Variants in CNN3 observed in about 807,000 individuals in gnomAD.
CNN3 encodes the protein calponin-3.
CNN3 carries 11 observed loss-of-function variants against 39.0 expected under a neutral mutation model. That is an observed-to-expected ratio of 0.28 (90% confidence interval 0.18 to 0.47). The LOEUF (loss-of-function observed/expected upper bound fraction) is 0.47, where lower values mean the gene tolerates loss of function less well. CNN3 is among the 20% of genes least tolerant of loss of function. The pLI, the probability that CNN3 is intolerant of heterozygous loss-of-function variation, is 0.99. For synonymous variants in CNN3, 101 were observed against 138.3 expected, an observed-to-expected ratio of 0.73 and a Z score of 1.89; for missense variants, 266 against 403.4, an observed-to-expected ratio of 0.66 and a Z score of 2.92.
intron 1 of CNN3, chr1:94,925,560 G>T: frequency 1.0e-6 from 1 of 955,954 alleles, no homozygotes; most frequent in Non-Finnish European, 1.2e-6. Context: ...AAGACAGTAT[G>T]ATGTGCAGAC....
Position 94,922,733 on chromosome 1 carries a change from G to A in CNN3, c.57+4105C>T, listed in dbSNP as rs111386725. On this transcript the variant is annotated intron_variant, in intron 1 of 6. Transcript: ENST00000370206. Reference sequence around the variant, plus strand: ...CTCAGAGCAGCTGTGCGTCTAAAGCGCACCCGGCAAACAAGCTAGGAGGAC... The same window carrying A: ...CTCAGAGCAGCTGTGCGTCTAAAGCACACCCGGCAAACAAGCTAGGAGGAC... 2.8e-3 allele frequency among the ~76,000 whole-genome samples: 432 copies of A among 152,236 alleles called. 1 individual carries two copies. Among genetic ancestry groups the A allele is most frequent in the African/African-American group, 9.8e-3 (407 of 41,540 alleles).
At chr1:94,898,839 TG>T (rs1300710745) in intron 6 of CNN3, among the ~76,000 whole-genome samples, 1 of 152,230 alleles carries the variant, frequency 6.6e-6, no homozygotes, top group Non-Finnish European at 1.5e-5. Context: ...TTGTTGGATG[TG>T]AGACCTGTCT....
At chr1:94,908,904 GGAGGCT>G (rs1430545869) in intron 1 of CNN3, among the ~76,000 whole-genome samples, 3 of 151,894 alleles carry the variant, frequency 2.0e-5, no homozygotes, top group Non-Finnish European at 4.4e-5. Context: ...TGCAACTTTG[GGAGGCT>G]GAGGCAGGAG....
intron 1 of CNN3, among the ~76,000 whole-genome samples, chr1:94,916,993 T>C (rs917397245): frequency 1.3e-5 from 2 of 152,198 alleles, no homozygotes; most frequent in African/African-American, 2.4e-5. Context: ...GCCATTTTGA[T>C]AAGATATCAT....
At chr1:94,904,882 A>C (rs1571520071) in intron 1 of CNN3, among the ~76,000 whole-genome samples, 1 of 152,184 alleles carries the variant, frequency 6.6e-6, no homozygotes, top group African/African-American at 2.4e-5. Flanking sequence ...TGAGCTTGGG[A>C]ATCAATTACA....
At chr1:94,924,438 AT>A (rs1553218391) in intron 1 of CNN3, 1 of 152,332 alleles carries the variant, frequency 6.6e-6, no homozygotes, top group Non-Finnish European at 1.5e-5. Context: ...CCTGGCCAAC[AT>A]GGCAAAACCC....
rs1670918182 is a variant in CNN3 at position 94,903,413 on chromosome 1, T to C, written c.169A>G (p.Ile57Val). 6.3e-7 allele frequency: 1 copy of C among 1,598,396 alleles called. No homozygotes were observed. The highest frequency in any genetic ancestry group is 1.3e-5 in the African/African-American group (1 of 74,360). Residue 57 changes from isoleucine (I) to valine (V), a missense_variant, in exon 2 of 7, where the codon ATC (isoleucine) becomes GTC (valine). By Grantham distance (29) the Ile-to-Val change is conservative. Coordinates refer to ENST00000370206, the MANE Select transcript of CNN3 (RefSeq NM_001839.5). Reference sequence around the variant, plus strand: ...AGGGCTGTAACTCACTCGCAGAGGATGATGCCATCCTTTAAGCCCAGCTGG... The same window carrying C: ...AGGGCTGTAACTCACTCGCAGAGGACGATGCCATCCTTTAAGCCCAGCTGG... ...NFQLGLKDGI[I>V]LCELINKLQP...
intron 1 of CNN3, among the ~76,000 whole-genome samples, chr1:94,918,255 G>A (rs1671337251): frequency 6.6e-6 from 1 of 152,084 alleles, no homozygotes. Flanking sequence ...CATTTTGGGA[G>A]GCTGAGGCAG....
chr1:94,921,577 C>T (rs1671445549), intron 1 of CNN3, among the ~76,000 whole-genome samples: 1 of 152,022 alleles, frequency 6.6e-6, no homozygotes, highest in African/African-American at 2.4e-5. Flanking sequence ...CACTAACCCT[C>T]ATGTCCCAAC....
In CNN3 at chr1:94,903,394, G is replaced by A; in HGVS notation, c.179+9C>T. 6 of 1,579,362 alleles carry A rather than the reference G, an allele frequency of 3.8e-6. No homozygotes were observed. The highest frequency in any genetic ancestry group is 5.2e-6 in the Non-Finnish European group (6 of 1,164,936). On this transcript the variant is annotated intron_variant, in intron 2 of 6. Transcript: ENST00000370206. Reference sequence around the variant, plus strand: ...GAGCAGAAACAGATTCTGGAGGGCTGTAACTCACTCGCAGAGGATGATGCC... The same window carrying A: ...GAGCAGAAACAGATTCTGGAGGGCTATAACTCACTCGCAGAGGATGATGCC...
intron 1 of CNN3, among the ~76,000 whole-genome samples, chr1:94,909,154 A>G (rs1671094488): frequency 6.6e-6 from 1 of 152,292 alleles, no homozygotes; most frequent in East Asian, 1.9e-4. Context: ...CTTTAAAACA[A>G]AAATAAACAA....
rs1353366090 is a variant in CNN3 at position 94,898,098 on chromosome 1, T to C, written c.649-15A>G. 3 of 1,605,290 alleles carry C rather than the reference T, an allele frequency of 1.9e-6. No individual in the cohort carries two copies. The highest frequency in any genetic ancestry group is 2.6e-6 in the Non-Finnish European group (3 of 1,174,322). ...AACATCCCTGCCTGGTATTAGAACA[T>C]AGTATAAAAGTTAAAACAGCAGCTA... is the stretch of plus-strand genomic sequence containing the variant. On this transcript the variant is annotated splice_polypyrimidine_tract_variant and intron_variant, in intron 6 of 6. Transcript: ENST00000370206.
chr1:94,897,300 G>C lies in CNN3; in HGVS notation c.*442C>G, dbSNP rs1203478038. 6.7e-6 allele frequency: 1 copy of C among 149,952 alleles called. No individual in the cohort carries two copies. The highest frequency in any genetic ancestry group is 2.6e-5 in the African/African-American group (1 of 38,970). 9.3% of individuals were successfully genotyped at this position (149,952 alleles called of 1,614,324 possible). The stretch of plus-strand genomic sequence containing the variant: ...TCTAAAATGCTGCATCTTAAATTTA[G>C]TTGGCAAAGACCACATTTAGCAATA... On this transcript the variant is annotated 3_prime_UTR_variant, in exon 7 of 7. Transcript: ENST00000370206.
rs1454930915 is a variant in CNN3, at chr1:94,899,573, CACAA to C, written c.502-60_502-57del. 1.4e-5 allele frequency: 22 copies of C among 1,552,362 alleles called. No homozygotes were observed. The South Asian group carries it at 1.8e-4, about 13-fold the overall frequency. ...TATCAGATGTCAACAATATACACAA[CACAA>C]ACAAAACTTTCCATGCTACCAAAAA... On this transcript the variant is annotated intron_variant, in intron 5 of 6. Transcript: ENST00000370206.
chr1:94,896,976 T>TTTATTTATAAAAAATAC lies in CNN3; in HGVS notation c.*749_*765dup, dbSNP rs1553215363. Reference sequence around the variant, plus strand: ...TTCATATGAAAGTTCAAAAAAAATATTTATTTATAAAAAATACAATGGGAT... The same window carrying TTTATTTATAAAAAATAC: ...TTCATATGAAAGTTCAAAAAAAATATTTATTTATAAAAAATACTTATTTATAAAAAATACAATGGGAT... On this transcript the variant is annotated 3_prime_UTR_variant, in exon 7 of 7. Transcript: ENST00000370206. 6.6e-6 allele frequency: 1 copy of TTTATTTATAAAAAATAC among 152,196 alleles called. No homozygotes were observed. The highest frequency in any genetic ancestry group is 1.5e-5 in the Non-Finnish European group (1 of 68,026). 9.4% of individuals were successfully genotyped at this position (152,196 alleles called of 1,614,324 possible).
At chr1:94,906,134 C>T (rs957946688) in intron 1 of CNN3, among the ~76,000 whole-genome samples, 1 of 152,100 alleles carries the variant, frequency 6.6e-6, no homozygotes, top group Non-Finnish European at 1.5e-5. Context: ...AGTCACACAC[C>T]ACCACGCCAC....
At chr1:94,918,039 C>A (rs1346452656) in intron 1 of CNN3, among the ~76,000 whole-genome samples, 2 of 152,210 alleles carry the variant, frequency 1.3e-5, no homozygotes, top group Non-Finnish European at 2.9e-5. Context: ...TATACACAGT[C>A]TTAGCACAGG....
intron 1 of CNN3, among the ~76,000 whole-genome samples, chr1:94,904,910 G>A (rs1670957467): frequency 6.6e-6 from 1 of 152,216 alleles, no homozygotes; most frequent in Non-Finnish European, 1.5e-5. Context: ...AAATGGGAAT[G>A]AAGGTAGAAA....
chr1:94,925,879 C>A (rs1157963350), intron 1 of CNN3: 2 of 931,128 alleles, frequency 2.1e-6, no homozygotes, highest in Non-Finnish European at 1.3e-6. Flanking sequence ...GGTCTCTCCC[C>A]CCAGAAACCC....
Sources: allele counts gnomAD v4.1 joint callset (sites outside exome capture counted in the v4.1 genomes callset), GRCh38; gene constraint gnomAD v4.1.1; transcripts MANE v1.5; gene names NCBI Gene and HGNC (gene_info 2026-07-23, HGNC 2026-07-21).